ACTR1B: variants seen among roughly 807,000 people sequenced by gnomAD.
ACTR1B encodes the protein beta-centractin.
In ACTR1B, 34 loss-of-function variants were observed where a neutral mutation model predicts 49.4. That is an observed-to-expected ratio of 0.69 (90% CI 0.52 to 0.92). The LOEUF (loss-of-function observed/expected upper bound fraction) is 0.92. Ranked by LOEUF, ACTR1B falls within the 40% of genes least tolerant of loss-of-function variation. The pLI is 0.00. For synonymous variants in ACTR1B, 207 were observed against 207.8 expected (o/e 1.00, Z 0.03); for missense variants, 471 against 522.4 (o/e 0.90, Z 0.96).
At chr2:97,661,747 T>C (rs766871778) in intron 2 of ACTR1B, 135 bp downstream of exon 2, 30 of 806,770 alleles carry the variant, frequency 3.7e-5, no homozygotes, top group Non-Finnish European at 5.5e-5. Context: ...CTCTCAAGAG[T>C]GTCAACCTCA....
Position 97,659,868 on chromosome 2 carries a change from T to G in ACTR1B, c.190-391A>C. On this transcript the variant is annotated intron_variant, in intron 3 of 10. Transcript: ENST00000289228. This position sits in a 1 kb window ranked among gnomAD's most constrained non-coding sequence, Gnocchi z 4.0. ...AACACGGCCCCTCCTGGGCCACCTG[T>G]GCCCCCTGACCTACGCCTCTCCCCC... The G allele has an allele frequency of 3.3e-6, 1 of 300,136 alleles. No homozygotes were observed. The highest frequency in any genetic ancestry group is 8.7e-5 in the East Asian group (1 of 11,508). 18.6% of individuals were successfully genotyped at this position (300,136 alleles called of 1,614,324 possible).
In ACTR1B at chr2:97,658,961, T is replaced by G; in HGVS notation, c.358A>C (p.Asn120His). 6.2e-7 allele frequency: 1 copy of G among 1,614,084 alleles called. No homozygotes were observed. Among genetic ancestry groups the G allele is most frequent in the Non-Finnish European group, 8.5e-7 (1 of 1,180,012 alleles). ...LTEAPLNPSKNREKAAEVFFE... is the reference protein window; with the variant it reads ...LTEAPLNPSKHREKAAEVFFE... ...AACACCTCTGCCGCCTTCTCCCGGT[T>G]CTTACTCGGGTTGAGCGGGGCCTCC... Residue 120 changes from asparagine to histidine, a missense_variant, in exon 5 of 11, where the codon AAC becomes CAC. By Grantham distance (68) the Asn-to-His change is moderately conservative. Coordinates refer to ENST00000289228, the MANE Select transcript of ACTR1B (RefSeq NM_005735.4). The surrounding 1 kb of genome is among the most constrained non-coding windows in gnomAD (Gnocchi z 5.9).
At position 97,664,031 on chromosome 2, in the gene ACTR1B, C is replaced by T; in HGVS notation, c.-141G>A. The T allele has an allele frequency of 2.6e-6, 1 of 382,392 alleles. No homozygotes were observed. The highest frequency in any genetic ancestry group is 4.3e-6 in the Non-Finnish European group (1 of 232,348). 23.7% of individuals were successfully genotyped at this position (382,392 alleles called of 1,614,324 possible). Reference sequence around the variant, plus strand: ...CCCGAGCCTGCAGCCTACGCGAGCCCCGCGGGGCTTTCTGGAGGGCGGGCC... The same window carrying T: ...CCCGAGCCTGCAGCCTACGCGAGCCTCGCGGGGCTTTCTGGAGGGCGGGCC... On this transcript the variant is annotated 5_prime_UTR_variant, in exon 1 of 11. Coordinates refer to ENST00000289228, the MANE Select transcript of ACTR1B (RefSeq NM_005735.4).
rs925663655 is a variant in ACTR1B at position 97,656,806 on chromosome 2, C to A, written c.*52G>T. The A allele has an allele frequency of 3.1e-5, 45 of 1,465,438 alleles. No individual in the cohort carries two copies. The highest frequency in any genetic ancestry group is 3.7e-5 in the Non-Finnish European group (40 of 1,068,408). The allele number at this position is 1,465,438 out of a possible 1,614,324, so 90.8% of individuals were successfully genotyped here. A position where few individuals can be genotyped will look rare whatever the true frequency, so the allele number is the denominator to read the frequency against. ...AGCCAAGACCAAAAAGGGTTAAAGGCTCTGTCTCCCCTCCCTCCCCCTCTC... is the reference window on the plus strand; with the variant it reads ...AGCCAAGACCAAAAAGGGTTAAAGGATCTGTCTCCCCTCCCTCCCCCTCTC... On this transcript the variant is annotated 3_prime_UTR_variant, in exon 11 of 11. Coordinates refer to ENST00000289228, the MANE Select transcript of ACTR1B (RefSeq NM_005735.4).
chr2:97,656,912 G>A lies in ACTR1B; in HGVS notation c.1077C>T (p.Ser359=). 6.3e-7 allele frequency: 1 copy of A among 1,596,014 alleles called. No individual in the cohort carries two copies. Among genetic ancestry groups the A allele is most frequent in the Non-Finnish European group, 8.5e-7 (1 of 1,171,240 alleles). Residue 359 remains serine, a synonymous_variant, in exon 11 of 11, where the codon TCC becomes TCT. Coordinates refer to ENST00000289228, the MANE Select transcript of ACTR1B (RefSeq NM_005735.4). The stretch of plus-strand genomic sequence containing the variant: ...AGCCATCCTCTTCATACTCCTTTTT[G>A]GACACCCACATCTTCTTAAAAGTGT... ...SLDTFKKMWV[S]KKEYEEDGSR... is the part of the protein sequence containing the mutation.
chr2:97,658,077 TG>T lies in ACTR1B; in HGVS notation c.790del (p.Gln264SerfsTer55). The T allele has an allele frequency of 6.2e-7, 1 of 1,614,110 alleles. No homozygotes were observed. The highest frequency in any genetic ancestry group is 8.5e-7 in the Non-Finnish European group (1 of 1,180,016). Reference sequence around the variant, plus strand: ...ACTCTCATCCCCGACAAGGTCCGGCTGGAACAGCAGCTCGGGGGCCCGGAAT... The same window carrying T: ...ACTCTCATCCCCGACAAGGTCCGGCTGAACAGCAGCTCGGGGGCCCGGAAT... Reference protein sequence around the residue: ...ARFRAPELLFQPDLVGDESEG... With the variant: ...ARFRAPELLFXPDLVGDESEG... On this transcript the variant is annotated frameshift_variant, in exon 8 of 11. Coordinates refer to ENST00000289228, the MANE Select transcript of ACTR1B (RefSeq NM_005735.4). LOFTEE classifies it high-confidence loss of function. This position sits in a 1 kb window ranked among gnomAD's most constrained non-coding sequence, Gnocchi z 5.9.
At chr2:97,663,591 T>A (rs1054674106) in intron 1 of ACTR1B, among the ~76,000 whole-genome samples, 2 of 151,802 alleles carry the variant, frequency 1.3e-5, no homozygotes, top group African/African-American at 2.4e-5. Context: ...CAAGCTCTCC[T>A]GAACTTCCCC....
intron 2 of ACTR1B, 67 bp from the exon 3 acceptor site, chr2:97,660,713 G>T: frequency 1.3e-6 from 2 of 1,501,054 alleles, no homozygotes; most frequent in Non-Finnish European, 1.9e-6. Flanking sequence ...CAGAAAAACC[G>T]AAATCCAACC....
chr2:97,662,340 G>C (rs577207855), intron 1 of ACTR1B, among the ~76,000 whole-genome samples: 1 of 151,932 alleles, frequency 6.6e-6, no homozygotes, highest in South Asian at 2.1e-4. Flanking sequence ...CTAATGGTTG[G>C]CTCCAGCAGG....
Position 97,658,132 on chromosome 2 carries a change from A to AT in ACTR1B, c.751-16dup. 1 of 1,613,418 alleles carries AT rather than the reference A, an allele frequency of 6.2e-7. No homozygotes were observed. The highest frequency in any genetic ancestry group is 8.5e-7 in the Non-Finnish European group (1 of 1,179,640). On this transcript the variant is annotated splice_polypyrimidine_tract_variant and intron_variant, in intron 7 of 10. Transcript: ENST00000289228. This position sits in a 1 kb window ranked among gnomAD's most constrained non-coding sequence, Gnocchi z 5.9. ...GCAGGCCCCACCTTTAGTGTACAAG[A>AT]TTGAGGCAGACAGGCTTCCTGGAGA...
At chr2:97,661,854 C>T (rs1675017195) in intron 2 of ACTR1B, 28 bp downstream of exon 2, 1 of 1,568,968 alleles carries the variant, frequency 6.4e-7, no homozygotes, top group South Asian at 1.2e-5. Flanking sequence ...AACAAAAGGA[C>T]TAAGGCTGCT....
At chr2:97,660,734 AG>A in intron 2 of ACTR1B, 88 bp from the exon 3 acceptor site, 1 of 1,333,584 alleles carries the variant, frequency 7.5e-7, no homozygotes, top group Non-Finnish European at 1.1e-6. Context: ...ATAGTCGCCC[AG>A]AGGGTACCTG....
At position 97,663,971 on chromosome 2, in the gene ACTR1B, C is replaced by T; in HGVS notation, c.-81G>A. 1.1e-6 allele frequency: 1 copy of T among 872,976 alleles called. No individual in the cohort carries two copies. 54.1% of individuals were successfully genotyped at this position (872,976 alleles called of 1,614,324 possible). A position where few individuals can be genotyped will look rare whatever the true frequency, so the allele number is the denominator to read the frequency against. On this transcript the variant is annotated 5_prime_UTR_variant, in exon 1 of 11. Transcript: ENST00000289228. Reference sequence around the variant, plus strand: ...CGGGCGGGCGGGAGGACCGGGACGGCGGCGGCTCCCGACGCGGCGCCGCTG... The same window carrying T: ...CGGGCGGGCGGGAGGACCGGGACGGTGGCGGCTCCCGACGCGGCGCCGCTG...
chr2:97,656,854 G>A lies in ACTR1B; in HGVS notation c.*4C>T. The stretch of plus-strand genomic sequence containing the variant: ...CTCCCAACATGCCCCGCCCTCCTTG[G>A]GCACTAGAAAGTTTTGCGATGAATA... On this transcript the variant is annotated 3_prime_UTR_variant, in exon 11 of 11. Transcript: ENST00000289228. The A allele has an allele frequency of 1.3e-6, 2 of 1,573,976 alleles. No individual in the cohort carries two copies. The highest frequency in any genetic ancestry group is 1.7e-6 in the Non-Finnish European group (2 of 1,158,510).
In ACTR1B at chr2:97,659,622, T is replaced by C; in HGVS notation, c.190-145A>G. On this transcript the variant is annotated intron_variant, in intron 3 of 10. Transcript: ENST00000289228. This position sits in a 1 kb window ranked among gnomAD's most constrained non-coding sequence, Gnocchi z 4.0. Reference sequence around the variant, plus strand: ...CCCCTGCTCACTGGGTGTCCCAGGGTCTGTGGCGGGTCCTGAACTCAGCAT... The same window carrying C: ...CCCCTGCTCACTGGGTGTCCCAGGGCCTGTGGCGGGTCCTGAACTCAGCAT... 1 of 1,278,172 alleles carries C rather than the reference T, an allele frequency of 7.8e-7. No individual in the cohort carries two copies. The highest frequency in any genetic ancestry group is 1.4e-5 in the South Asian group (1 of 71,530). The allele number at this position is 1,278,172 out of a possible 1,614,324, so 79.2% of individuals were successfully genotyped here.
Position 97,662,260 on chromosome 2 carries a change from C to G in ACTR1B, c.49-314G>C, listed in dbSNP as rs138096481. 5.9e-5 allele frequency among the ~76,000 whole-genome samples: 9 copies of G among 152,250 alleles called. No individual in the cohort carries two copies. The East Asian group carries it at 1.7e-3, about 29-fold the overall frequency. On this transcript the variant is annotated intron_variant, in intron 1 of 10. Coordinates refer to ENST00000289228, the MANE Select transcript of ACTR1B (RefSeq NM_005735.4). ...TGCACAGGCGAGCCTGCACTACCAACAAGGAGCTAGCCCAGAATGTCAATA... is the reference window on the plus strand; with the variant it reads ...TGCACAGGCGAGCCTGCACTACCAAGAAGGAGCTAGCCCAGAATGTCAATA...
Position 97,656,607 on chromosome 2 carries a change from C to G in ACTR1B, c.*251G>C. On this transcript the variant is annotated 3_prime_UTR_variant, in exon 11 of 11. Transcript: ENST00000289228. ...GCTGGCCCTGCCAGGGGGATACCCA[C>G]AACAGCCTGACATGGCGCTCAATTC... 2.1e-6 allele frequency: 1 copy of G among 479,330 alleles called. No individual in the cohort carries two copies. Among genetic ancestry groups the G allele is most frequent in the Non-Finnish European group, 3.8e-6 (1 of 264,918 alleles). 29.7% of individuals were successfully genotyped at this position (479,330 alleles called of 1,614,324 possible). A position where few individuals can be genotyped will look rare whatever the true frequency, so the allele number is the denominator to read the frequency against.
Position 97,664,021 on chromosome 2 carries a change from T to A in ACTR1B, c.-131A>T, listed in dbSNP as rs1034306851. 1.9e-5 allele frequency: 8 copies of A among 424,202 alleles called. No individual in the cohort carries two copies. Among genetic ancestry groups the A allele is most frequent in the Admixed American group, 5.2e-5 (1 of 19,332 alleles). 26.3% of individuals were successfully genotyped at this position (424,202 alleles called of 1,614,324 possible). On this transcript the variant is annotated 5_prime_UTR_variant, in exon 1 of 11. Transcript: ENST00000289228. ...GCCCTCCCTCCCCGAGCCTGCAGCC[T>A]ACGCGAGCCCCGCGGGGCTTTCTGG...
At position 97,657,448 on chromosome 2, in the gene ACTR1B, C is replaced by T; in HGVS notation, c.987G>A (p.Lys329=). The T allele has an allele frequency of 6.2e-7, 1 of 1,614,208 alleles. No homozygotes were observed. Among genetic ancestry groups the T allele is most frequent in the Non-Finnish European group, 8.5e-7 (1 of 1,180,034 alleles). Residue 329 remains lysine, a splice_region_variant and synonymous_variant, in exon 9 of 11, where the codon AAG becomes AAA. Transcript: ENST00000289228. ...CCAGGGGGAGTTTCTGTAACCTCACCTTGATTTTGATATCCTTTGGGGCAA... is the reference window on the plus strand; with the variant it reads ...CCAGGGGGAGTTTCTGTAACCTCACTTTGATTTTGATATCCTTTGGGGCAA... ...KKLAPKDIKI[K]ISAPQERLYS...
Sources: gnomAD v4.1 joint callset for allele counts (sites outside exome capture counted in the v4.1 genomes callset) on GRCh38, gnomAD v4.1.1 for gene constraint, Gnocchi (gnomAD v3.1) non-coding constraint, MANE v1.5 for transcripts, NCBI Gene and HGNC (gene_info 2026-07-23, HGNC 2026-07-21) for gene names.